PPP6R1: variants seen among roughly 807,000 people sequenced by gnomAD.
The protein encoded by PPP6R1 is protein phosphatase 6 regulatory subunit 1.
PPP6R1 carries 39 observed loss-of-function variants against 104.6 expected under a neutral mutation model. The observed-to-expected ratio is 0.37, with a 90% CI of 0.29 to 0.49. PPP6R1 has a LOEUF of 0.49. Ranked by LOEUF, PPP6R1 falls within the 20% of genes least tolerant of loss-of-function variation. PPP6R1 has a pLI of 0.98. For missense variants in PPP6R1, 1,181 were observed against 1,155.8 expected, an observed-to-expected ratio of 1.02 and a Z score of -0.32; for synonymous variants, 549 against 479.0, an observed-to-expected ratio of 1.15 and a Z score of -1.91.
chr19:55,242,505 C>T lies in PPP6R1; in HGVS notation c.619-17G>A. ...GGAATGTTGCTGGAACGGGGAGAGA[C>T]AGGTGAGGATCCTGGTCGGGCCACC... On this transcript the variant is annotated splice_polypyrimidine_tract_variant and intron_variant, in intron 5 of 23. Transcript: ENST00000412770. 1 of 1,604,578 alleles carries T rather than the reference C, an allele frequency of 6.2e-7. No individual in the cohort carries two copies. The highest frequency in any genetic ancestry group is 8.5e-7 in the Non-Finnish European group (1 of 1,171,520).
At chr19:55,249,285 AG>A (rs1316288178) in intron 1 of PPP6R1, among the ~76,000 whole-genome samples, 4 of 152,168 alleles carry the variant, frequency 2.6e-5, no homozygotes, top group Admixed American at 1.3e-4. Flanking sequence ...TCTGTTGCCC[AG>A]GCTGGAATGC....
chr19:55,254,694 C>T (rs150661332), intron 1 of PPP6R1, among the ~76,000 whole-genome samples: 18 of 152,342 alleles, frequency 1.2e-4, no homozygotes, highest in African/African-American at 3.4e-4. Flanking sequence ...GAAGCTCCAA[C>T]GCCTGGCCCC....
chr19:55,228,792 G>T (rs779999995), downstream of PPP6R1: 3 of 1,588,800 alleles, frequency 1.9e-6, no homozygotes, highest in Non-Finnish European at 1.7e-6. Flanking sequence ...GTGGCTTCAG[G>T]GGGTGGAGGG....
At chr19:55,252,078 A>C (rs2087557739) in intron 1 of PPP6R1, among the ~76,000 whole-genome samples, 1 of 152,200 alleles carries the variant, frequency 6.6e-6, no homozygotes, top group African/African-American at 2.4e-5. Context: ...ATCCATAGAG[A>C]CAGAAAAGAG....
rs1035882407 is a variant in PPP6R1 at position 55,258,439 on chromosome 19, GA to G, written c.-12del. The G allele has an allele frequency of 1.3e-5, 2 of 151,264 alleles. No homozygotes were observed. Among genetic ancestry groups the G allele is most frequent in the Non-Finnish European group, 3.0e-5 (2 of 67,590 alleles). The allele number at this position is 151,264 out of a possible 1,614,324, so 9.4% of individuals were successfully genotyped here. A position where few individuals can be genotyped will look rare whatever the true frequency, so the allele number is the denominator to read the frequency against. On this transcript the variant is annotated 5_prime_UTR_variant, in exon 1 of 24. Coordinates refer to ENST00000412770, the MANE Select transcript of PPP6R1 (RefSeq NM_014931.4). ...CGGGCGACGCGGGCCGCTCACCTGC[GA>G]GGGGGGGCGGCGGCTCCTCGCACTC...
rs759152815 is a variant in PPP6R1, at chr19:55,231,811, A to G, written c.2297T>C (p.Leu766Pro). The stretch of plus-strand genomic sequence containing the variant: ...TCCATCCGGTTCTCACCTGAGCTGC[A>G]GGGCGTCACGGGCAGGAGGGCTGGC... The part of the protein sequence containing the change: ...SLASPPARDA[L>P]QLRSQDPTPP... The change falls in exon 19 of 24, where the codon CTG becomes CCG. Residue 766 changes from leucine (L) to proline (P), a missense_variant. Coordinates refer to ENST00000412770, the MANE Select transcript of PPP6R1 (RefSeq NM_014931.4). 2 of 1,500,958 alleles carry G rather than the reference A, an allele frequency of 1.3e-6. No individual in the cohort carries two copies. The highest frequency in any genetic ancestry group is 8.9e-7 in the Non-Finnish European group (1 of 1,126,260). 93.0% of individuals were successfully genotyped at this position (1,500,958 alleles called of 1,614,324 possible).
At chr19:55,234,960 C>A (rs1379415846) in intron 17 of PPP6R1, among the ~76,000 whole-genome samples, 1 of 152,158 alleles carries the variant, frequency 6.6e-6, no homozygotes, top group Non-Finnish European at 1.5e-5. Context: ...GATGTGGGTA[C>A]TGGGAAGGTC....
In PPP6R1 at chr19:55,241,696, A is replaced by G; in HGVS notation, c.846-57T>C. Reference sequence around the variant, plus strand: ...GCCTAGATGGCCTGTGCGCCCACACAGGAGTAGGCACAAGGACCACGTCTG... The same window carrying G: ...GCCTAGATGGCCTGTGCGCCCACACGGGAGTAGGCACAAGGACCACGTCTG... On this transcript the variant is annotated intron_variant, in intron 7 of 23. Transcript: ENST00000412770. The surrounding 1 kb of genome is among the most constrained non-coding windows in gnomAD (Gnocchi z 5.4). 4 of 1,482,652 alleles carry G rather than the reference A, an allele frequency of 2.7e-6. No homozygotes were observed. Among genetic ancestry groups the G allele is most frequent in the East Asian group, 2.5e-5 (1 of 40,420 alleles). The allele number at this position is 1,482,652 out of a possible 1,614,324, so 91.8% of individuals were successfully genotyped here. A position where few individuals can be genotyped will look rare whatever the true frequency, so the allele number is the denominator to read the frequency against.
At chr19:55,252,678 G>C (rs1174256737) in intron 1 of PPP6R1, among the ~76,000 whole-genome samples, 1 of 151,966 alleles carries the variant, frequency 6.6e-6, no homozygotes, top group African/African-American at 2.4e-5. Flanking sequence ...GGGATTACAG[G>C]CATGAATCAC....
intron 1 of PPP6R1, among the ~76,000 whole-genome samples, chr19:55,252,837 T>C (rs541004765): frequency 1.9e-4 from 29 of 152,268 alleles, no homozygotes; most frequent in Non-Finnish European, 3.5e-4. Context: ...TGCGCCTGGC[T>C]GTACACTCTA....
At chr19:55,235,765 G>A (rs548467961) in intron 17 of PPP6R1, among the ~76,000 whole-genome samples, 4 of 151,370 alleles carry the variant, frequency 2.6e-5, no homozygotes, top group East Asian at 1.9e-4. Context: ...TGATCCGCCC[G>A]CCTCAGCCTC....
At chr19:55,234,021 C>T (rs184733604) in intron 17 of PPP6R1, among the ~76,000 whole-genome samples, 24 of 152,304 alleles carry the variant, frequency 1.6e-4, no homozygotes, top group Admixed American at 1.1e-3. Flanking sequence ...GCGATCTCAG[C>T]TCACTGCAAC....
Position 55,236,801 on chromosome 19 carries a change from C to G in PPP6R1, c.1830G>C (p.Glu610Asp), listed in dbSNP as rs759928254. 1 of 1,613,898 alleles carries G rather than the reference C, an allele frequency of 6.2e-7. No individual in the cohort carries two copies. Among genetic ancestry groups the G allele is most frequent in the South Asian group, 1.1e-5 (1 of 91,072 alleles). Residue 610 changes from glutamate (E) to aspartate (D), a missense_variant, in exon 17 of 24, where the codon GAG (glutamate) becomes GAC (aspartate). Physicochemically the swap from Glu to Asp is conservative, Grantham distance 45. Around this residue, in one of 2 missense-constraint regions of PPP6R1, gnomAD observed 1,042 missense variants for 955.6 expected, o/e 1.09. Transcript: ENST00000412770. ...GCTGGATGCGGTCCTTGTAGCATAT[C>G]TCAAGTAGGTTGGCGTTGGGCTGCA... ...DDENPNANLL[E>D]ICYKDRIQQF... is the part of the protein sequence containing the mutation.
chr19:55,251,355 A>C lies in PPP6R1; in HGVS notation c.-6-4246T>G, dbSNP rs144614729. 6.0e-3 allele frequency among the ~76,000 whole-genome samples: 917 copies of C among 152,118 alleles called. 8 individuals carry two copies. The highest frequency in any genetic ancestry group is 0.021 in the African/African-American group (865 of 41,550). On this transcript the variant is annotated intron_variant, in intron 1 of 23. Transcript: ENST00000412770. ...CGCTCACAAGTATTAGCTGAAAAGCAAACCTCATTTTCACAAGGCCCCAGC... is the reference window on the plus strand; with the variant it reads ...CGCTCACAAGTATTAGCTGAAAAGCCAACCTCATTTTCACAAGGCCCCAGC...
chr19:55,235,116 C>T (rs544756648), intron 17 of PPP6R1, among the ~76,000 whole-genome samples: 1 of 152,106 alleles, frequency 6.6e-6, no homozygotes, highest in East Asian at 1.9e-4. Context: ...GTCAAAAACT[C>T]AGTTGCAGAT....
intron 10 of PPP6R1, 130 bp from the exon 11 acceptor site, chr19:55,240,430 G>A: frequency 2.2e-6 from 2 of 910,010 alleles, no homozygotes; most frequent in East Asian, 5.4e-5. Flanking sequence ...GACGGGGATG[G>A]GAAGGAGGGA....
At chr19:55,242,676 G>T in intron 5 of PPP6R1, 188 bp from the exon 6 acceptor site, 2 of 592,722 alleles carry the variant, frequency 3.4e-6, no homozygotes, top group South Asian at 3.8e-5. Context: ...GAGAGAACAG[G>T]AAGCCCGGAA....
intron 15 of PPP6R1, 189 bp downstream of exon 15, chr19:55,239,216 T>C (rs2087426048): frequency 3.3e-6 from 2 of 613,036 alleles, no homozygotes; most frequent in Non-Finnish European, 5.8e-6. Context: ...GGAACTCATG[T>C]AACAGGAGGC....
Position 55,231,922 on chromosome 19 carries a change from A to T in PPP6R1, c.2186T>A (p.Val729Asp), listed in dbSNP as rs775261833. The change falls in exon 19 of 24, where the codon GTC (valine) becomes GAC (aspartate). Residue 729 changes from valine (V) to aspartate (D), a missense_variant. Coordinates refer to ENST00000412770, the MANE Select transcript of PPP6R1 (RefSeq NM_014931.4). ...VPTDAPTSPR[V>D]SGEEELHTGP... ...AGTGTGCAGCTCTTCCTCCCCGGAG[A>T]CTCGGGGGCTGGTCGGGGCATCTGT... The T allele has an allele frequency of 1.9e-6, 3 of 1,555,060 alleles. No homozygotes were observed. In the South Asian group the frequency reaches 3.6e-5, roughly 19 times the overall value.
Sources: gnomAD v4.1 joint callset for allele counts (sites outside exome capture counted in the v4.1 genomes callset) on GRCh38, gnomAD v4.1.1 for gene constraint, gnomAD v4.1.1 regional missense constraint, Gnocchi (gnomAD v3.1) non-coding constraint, MANE v1.5 for transcripts, NCBI Gene and HGNC (gene_info 2026-07-23, HGNC 2026-07-21) for gene names.